The following ENTREP2 variants were observed in gnomAD, a reference collection of about 807,000 sequenced individuals.
ENTREP2 encodes endosomal transmembrane epsin interactor 2.
chr15:29,604,201 A>C, the ENTREP2 span, among the ~76,000 whole-genome samples: 1,007 of 152,346 alleles, frequency 6.6e-3, 14 homozygotes, highest in African/African-American at 0.023. Flanking sequence ...TCATCAGTCT[A>C]CTTAGTAACC....
At chr15:29,139,413 G>A in the ENTREP2 span, among the ~76,000 whole-genome samples, 1 of 152,256 alleles carries the variant, frequency 6.6e-6, no homozygotes, top group African/African-American at 2.4e-5. Context: ...CCTGATGCCT[G>A]CTGCACAGAG....
the ENTREP2 span, among the ~76,000 whole-genome samples, chr15:29,249,148 C>T: frequency 6.6e-6 from 1 of 151,990 alleles, no homozygotes; most frequent in Non-Finnish European, 1.5e-5. Context: ...GTCTCTACTA[C>T]AGTATAAAAG....
chr15:29,323,531 G>A, the ENTREP2 span, among the ~76,000 whole-genome samples: 1 of 151,984 alleles, frequency 6.6e-6, no homozygotes, highest in Non-Finnish European at 1.5e-5. Flanking sequence ...GTGTTTCCCT[G>A]AGTTCTGTGA....
chr15:29,543,488 A>G, the ENTREP2 span, among the ~76,000 whole-genome samples: 2 of 152,162 alleles, frequency 1.3e-5, no homozygotes, highest in Non-Finnish European at 2.9e-5. Flanking sequence ...TTAAAAAAAG[A>G]CAGCAAAATT....
At chr15:29,333,701 T>G in the ENTREP2 span, among the ~76,000 whole-genome samples, 1 of 152,126 alleles carries the variant, frequency 6.6e-6, no homozygotes, top group African/African-American at 2.4e-5. Context: ...TCCTATGTTA[T>G]GGGGTGAATC....
At chr15:29,595,602 C>G in the ENTREP2 span, among the ~76,000 whole-genome samples, 1 of 152,168 alleles carries the variant, frequency 6.6e-6, no homozygotes, top group Non-Finnish European at 1.5e-5. Flanking sequence ...AAAGTCTTAT[C>G]TATGCTTCAC....
At chr15:29,453,461 C>T in the ENTREP2 span, among the ~76,000 whole-genome samples, 9 of 152,328 alleles carry the variant, frequency 5.9e-5, no homozygotes, top group East Asian at 3.9e-4. Flanking sequence ...CAGGATTCTT[C>T]GCAGAGGTCT....
chr15:29,163,021 T>G, the ENTREP2 span, among the ~76,000 whole-genome samples: 1 of 152,126 alleles, frequency 6.6e-6, no homozygotes, highest in Non-Finnish European at 1.5e-5. Context: ...AGCCCGGAGC[T>G]GGGCAGACTT....
chr15:29,604,351 AAT>A, the ENTREP2 span, among the ~76,000 whole-genome samples: 1 of 152,216 alleles, frequency 6.6e-6, no homozygotes, highest in African/African-American at 2.4e-5. Context: ...CGGTGATGGT[AAT>A]TTGATGGAGT....
the ENTREP2 span, among the ~76,000 whole-genome samples, chr15:29,332,283 C>G: frequency 6.6e-6 from 1 of 151,964 alleles, no homozygotes; most frequent in African/African-American, 2.4e-5. Flanking sequence ...ATCGTGACCC[C>G]AGTGTAACTC....
the ENTREP2 span, among the ~76,000 whole-genome samples, chr15:29,282,693 T>C: frequency 1.3e-5 from 2 of 152,172 alleles, no homozygotes. Context: ...CCCCACTATG[T>C]GCTACAGTCT....
At chr15:29,387,041 T>C in the ENTREP2 span, among the ~76,000 whole-genome samples, 3 of 152,186 alleles carry the variant, frequency 2.0e-5, no homozygotes, top group African/African-American at 4.8e-5. Context: ...CTATGTTGAA[T>C]AGGAGTGGTG....
chr15:29,666,592 G>A, the ENTREP2 span, among the ~76,000 whole-genome samples: 1 of 152,096 alleles, frequency 6.6e-6, no homozygotes, highest in East Asian at 1.9e-4. Flanking sequence ...CTCCCTTATG[G>A]AATCAAATCT....
the ENTREP2 span, among the ~76,000 whole-genome samples, chr15:29,161,108 A>G: frequency 6.6e-6 from 1 of 152,192 alleles, no homozygotes; most frequent in Non-Finnish European, 1.5e-5. Context: ...TGGGAGAGGC[A>G]GTCTGCCATG....
chr15:29,470,977 C>T, the ENTREP2 span, among the ~76,000 whole-genome samples: 1 of 152,310 alleles, frequency 6.6e-6, no homozygotes, highest in East Asian at 1.9e-4. Flanking sequence ...CTGGCTATGG[C>T]TCGAAGTGAC....
chr15:29,667,834 A>C, the ENTREP2 span, among the ~76,000 whole-genome samples: 32 of 152,090 alleles, frequency 2.1e-4, no homozygotes, highest in South Asian at 6.2e-4. Flanking sequence ...ACTTCAATGC[A>C]TGAAAACATC....
the ENTREP2 span, among the ~76,000 whole-genome samples, chr15:29,663,213 T>A: frequency 1.3e-5 from 2 of 152,114 alleles, no homozygotes; most frequent in Admixed American, 6.5e-5. Flanking sequence ...AAGAATCATT[T>A]TTAGTAATAA....
chr15:29,458,097 C>A, the ENTREP2 span, among the ~76,000 whole-genome samples: 2 of 152,148 alleles, frequency 1.3e-5, no homozygotes, highest in Admixed American at 1.3e-4. Context: ...CTGCTCTCTG[C>A]AAGAGGAAGA....
the ENTREP2 span, among the ~76,000 whole-genome samples, chr15:29,170,879 G>C: frequency 6.6e-6 from 1 of 152,340 alleles, no homozygotes; most frequent in Non-Finnish European, 1.5e-5. Context: ...TGCTGTAACG[G>C]AATAACAGAC....
Sources: allele counts gnomAD v4.1 joint callset (sites outside exome capture counted in the v4.1 genomes callset), GRCh38; gene constraint gnomAD v4.1.1; transcripts MANE v1.5; gene names NCBI Gene and HGNC (gene_info 2026-07-23, HGNC 2026-07-21).